The following DLG2 variants were observed in gnomAD, a reference collection of about 807,000 sequenced individuals.
DLG2 encodes the protein disks large homolog 2.
In DLG2, 45 loss-of-function variants were observed where a neutral mutation model predicts 132.5. That is an observed-to-expected ratio of 0.34 (90% CI 0.27 to 0.44). DLG2 has a LOEUF of 0.44. DLG2 is among the 20% of genes least tolerant of loss of function. The pLI is 1.00. For synonymous variants in DLG2, 424 were observed against 419.6 expected (o/e 1.01, Z -0.13); for missense variants, 1,045 against 1,196.9 (o/e 0.87, Z 1.87).
rs143654412 is a variant in DLG2, at chr11:84,043,407, G to T, written c.919+15908C>A. Among the ~76,000 whole-genome samples, 3 of 151,720 alleles carry T rather than the reference G, an allele frequency of 2.0e-5. No homozygotes were observed. The East Asian group carries it at 5.8e-4, about 29-fold the overall frequency. On this transcript the variant is annotated intron_variant, in intron 11 of 27. Coordinates refer to ENST00000376104, the MANE Select transcript of DLG2 (RefSeq NM_001142699.3). ...AATTTAATATTTTATTTTAGGTTCTGAGGTACGTGTGCAGGTTTGTTATAT... is the reference window on the plus strand; with the variant it reads ...AATTTAATATTTTATTTTAGGTTCTTAGGTACGTGTGCAGGTTTGTTATAT...
chr11:83,635,800 A>C (rs2064665777), intron 18 of DLG2, among the ~76,000 whole-genome samples: 1 of 152,152 alleles, frequency 6.6e-6, no homozygotes. Context: ...TTAGATATTT[A>C]GGCTTGTCCA....
chr11:84,918,075 G>A (rs991113493), intron 6 of DLG2, among the ~76,000 whole-genome samples: 6 of 152,158 alleles, frequency 3.9e-5, no homozygotes, highest in Non-Finnish European at 5.9e-5. Context: ...CAAAGAGTAG[G>A]TGTCAGCAGC....
intron 19 of DLG2, among the ~76,000 whole-genome samples, chr11:83,611,830 A>G (rs2060159086): frequency 6.6e-6 from 1 of 152,208 alleles, no homozygotes; most frequent in Admixed American, 6.5e-5. Flanking sequence ...GGCAGCTGTC[A>G]AGGTGATTTA....
At chr11:84,534,927 C>T (rs867044190) in intron 6 of DLG2, 196 bp from the exon 7 acceptor site, 9 of 705,800 alleles carry the variant, frequency 1.3e-5, no homozygotes, top group African/African-American at 1.7e-5. Context: ...GAGTTAACCA[C>T]GAATATTGAC....
At chr11:84,798,794 A>G (rs2075008732) in intron 6 of DLG2, among the ~76,000 whole-genome samples, 1 of 152,118 alleles carries the variant, frequency 6.6e-6, no homozygotes, top group African/African-American at 2.4e-5. Flanking sequence ...GGTGACATAT[A>G]CTGCCAGGAC....
intron 3 of DLG2, among the ~76,000 whole-genome samples, chr11:85,513,788 T>A (rs2094123657): frequency 6.6e-6 from 1 of 151,996 alleles, no homozygotes; most frequent in Non-Finnish European, 1.5e-5. Context: ...AACACCTATT[T>A]GATATGTCTT....
At chr11:85,165,735 T>C (rs996590774) in intron 4 of DLG2, among the ~76,000 whole-genome samples, 1 of 152,188 alleles carries the variant, frequency 6.6e-6, no homozygotes, top group Admixed American at 6.6e-5. Flanking sequence ...CAACTATATA[T>C]TTTTAAAATA....
At chr11:83,712,937 G>A (rs182604099) in intron 18 of DLG2, among the ~76,000 whole-genome samples, 7 of 150,578 alleles carry the variant, frequency 4.6e-5, no homozygotes, top group East Asian at 2.0e-4. Flanking sequence ...ATAAACCTGC[G>A]CATCCTGCCC....
At chr11:84,182,862 GA>G (rs200692623) in intron 8 of DLG2, among the ~76,000 whole-genome samples, 4,330 of 150,518 alleles carry the variant, frequency 0.029, 186 homozygotes, top group African/African-American at 0.1. Flanking sequence ...GGCTAATTAA[GA>G]AAAAAAATGA....
At chr11:84,953,580 T>A (rs1160701774) in intron 6 of DLG2, among the ~76,000 whole-genome samples, 1 of 152,020 alleles carries the variant, frequency 6.6e-6, no homozygotes, top group African/African-American at 2.4e-5. Context: ...TTATTCCCCT[T>A]ATCAATAAAA....
At chr11:84,203,800 T>C (rs1457385652) in intron 8 of DLG2, among the ~76,000 whole-genome samples, 6 of 152,006 alleles carry the variant, frequency 3.9e-5, no homozygotes, top group African/African-American at 1.4e-4. Flanking sequence ...CAGGAGGGAA[T>C]GCCTCAGGAA....
intron 22 of DLG2, among the ~76,000 whole-genome samples, chr11:83,477,872 G>C (rs2092743677): frequency 6.6e-6 from 1 of 151,970 alleles, no homozygotes; most frequent in Non-Finnish European, 1.5e-5. Flanking sequence ...TTCCAAACCT[G>C]TGTGTCTTTT....
At chr11:83,841,369 T>C (rs930175892) in intron 16 of DLG2, among the ~76,000 whole-genome samples, 1 of 152,250 alleles carries the variant, frequency 6.6e-6, no homozygotes, top group Non-Finnish European at 1.5e-5. Flanking sequence ...TACATCATTA[T>C]ACATTGACAG....
intron 6 of DLG2, among the ~76,000 whole-genome samples, chr11:84,814,744 G>T (rs537575454): frequency 6.6e-6 from 1 of 152,084 alleles, no homozygotes; most frequent in East Asian, 1.9e-4. Flanking sequence ...ATTCATTAGG[G>T]TCACCCTGAG....
intron 3 of DLG2, among the ~76,000 whole-genome samples, chr11:85,519,000 T>C (rs1323145150): frequency 6.6e-6 from 1 of 152,150 alleles, no homozygotes; most frequent in Non-Finnish European, 1.5e-5. Flanking sequence ...TCCTCCTAGA[T>C]TTCAGAAGAC....
chr11:84,911,583 T>C (rs1349909088), intron 6 of DLG2, among the ~76,000 whole-genome samples: 1 of 152,250 alleles, frequency 6.6e-6, no homozygotes, highest in East Asian at 1.9e-4. Flanking sequence ...TTTTAAAATA[T>C]CCTTAATCTT....
At chr11:85,563,359 A>G (rs758671973) in intron 3 of DLG2, among the ~76,000 whole-genome samples, 9 of 151,538 alleles carry the variant, frequency 5.9e-5, no homozygotes, top group Non-Finnish European at 1.2e-4. Context: ...AGAAATATTT[A>G]TAGCTTTTTC....
chr11:85,395,293 G>T (rs990848440), intron 3 of DLG2, among the ~76,000 whole-genome samples: 9 of 152,250 alleles, frequency 5.9e-5, no homozygotes, highest in African/African-American at 2.2e-4. Flanking sequence ...TGCTTCCAGG[G>T]TGGCTGAATA....
intron 15 of DLG2, among the ~76,000 whole-genome samples, chr11:83,875,985 T>C (rs1313314522): frequency 1.3e-5 from 2 of 152,200 alleles, no homozygotes; most frequent in Non-Finnish European, 2.9e-5. Flanking sequence ...TTTCCTGGTA[T>C]CCCTCACAGT....
Sources: gnomAD v4.1 joint callset for allele counts (sites outside exome capture counted in the v4.1 genomes callset) on GRCh38, gnomAD v4.1.1 for gene constraint, MANE v1.5 for transcripts, NCBI Gene and HGNC (gene_info 2026-07-23, HGNC 2026-07-21) for gene names.